KPNA1: variants seen among roughly 807,000 people sequenced by gnomAD.
The protein encoded by KPNA1 is importin subunit alpha-5.
In KPNA1, 10 loss-of-function variants were observed where a neutral mutation model predicts 70.5. The observed-to-expected ratio is 0.14, with a 90% CI of 0.09 to 0.24. The LOEUF (loss-of-function observed/expected upper bound fraction) is 0.24, where lower values mean the gene tolerates loss of function less well. Ranked by LOEUF, KPNA1 falls within the 10% of genes least tolerant of loss-of-function variation. The pLI is 1.00. For synonymous variants in KPNA1, 192 were observed against 221.9 expected, an observed-to-expected ratio of 0.87 and a Z score of 1.20; for missense variants, 397 against 637.9, an observed-to-expected ratio of 0.62 and a Z score of 4.07.
intron 5 of KPNA1, among the ~76,000 whole-genome samples, chr3:122,454,687 A>C (rs1243659937): frequency 3.3e-5 from 5 of 152,204 alleles, no homozygotes; most frequent in Non-Finnish European, 2.9e-5. Context: ...AATGAAAAGA[A>C]ATGACAACTT....
intron 4 of KPNA1, among the ~76,000 whole-genome samples, chr3:122,463,718 C>T (rs915136321): frequency 2.0e-5 from 3 of 151,946 alleles, no homozygotes; most frequent in African/African-American, 7.3e-5. Flanking sequence ...TATAAAATAA[C>T]CCAAAAATGA....
At chr3:122,453,282 T>TG (rs2076231356) in intron 6 of KPNA1, among the ~76,000 whole-genome samples, 1 of 152,176 alleles carries the variant, frequency 6.6e-6, no homozygotes, top group Non-Finnish European at 1.5e-5. Flanking sequence ...AAAAAACCTC[T>TG]ATCAGTAACT....
intron 10 of KPNA1, among the ~76,000 whole-genome samples, chr3:122,437,500 A>G (rs1341319054): frequency 2.6e-5 from 4 of 152,222 alleles, no homozygotes; most frequent in Non-Finnish European, 4.4e-5. Context: ...CACATTCACA[A>G]CTGCTAAACT....
intron 2 of KPNA1, among the ~76,000 whole-genome samples, chr3:122,477,659 C>T (rs1560043105): frequency 6.7e-6 from 1 of 150,026 alleles, no homozygotes; most frequent in Non-Finnish European, 1.5e-5. Context: ...CCAGCCTGGG[C>T]GACAGAGTAA....
At chr3:122,510,532 C>T (rs1247198650) in intron 1 of KPNA1, among the ~76,000 whole-genome samples, 2 of 152,128 alleles carry the variant, frequency 1.3e-5, no homozygotes, top group African/African-American at 2.4e-5. Flanking sequence ...TATAGAGTTA[C>T]AATATTGTAA....
At chr3:122,447,001 C>T (rs944441058) in intron 9 of KPNA1, among the ~76,000 whole-genome samples, 7 of 152,158 alleles carry the variant, frequency 4.6e-5, no homozygotes, top group Admixed American at 1.3e-4. Context: ...AGACCAATAA[C>T]AGGCTCTGAA....
intron 8 of KPNA1, among the ~76,000 whole-genome samples, chr3:122,450,411 G>A (rs7374306): frequency 0.019 from 2,920 of 152,122 alleles, 48 homozygotes; most frequent in Non-Finnish European, 0.026. Context: ...GTGAAACCCC[G>A]TCTCTACTAA....
intron 11 of KPNA1, among the ~76,000 whole-genome samples, chr3:122,436,491 C>A (rs1320150211): frequency 6.6e-6 from 1 of 152,242 alleles, no homozygotes; most frequent in Non-Finnish European, 1.5e-5. Flanking sequence ...CTCCCCCAGA[C>A]AGCCAGCTTT....
intron 2 of KPNA1, among the ~76,000 whole-genome samples, chr3:122,489,135 T>G (rs993098727): frequency 4.0e-5 from 6 of 151,812 alleles, no homozygotes; most frequent in Non-Finnish European, 7.4e-5. Context: ...TTCTTGATGG[T>G]TTCTATTCCT....
chr3:122,454,920 G>A (rs2076248103), intron 5 of KPNA1, among the ~76,000 whole-genome samples: 1 of 152,150 alleles, frequency 6.6e-6, no homozygotes, highest in African/African-American at 2.4e-5. Flanking sequence ...TGACTCTTTA[G>A]CTTAATATTG....
intron 5 of KPNA1, chr3:122,459,755 T>C (rs12487598): frequency 0.41 from 407,054 of 985,108 alleles, 85,197 homozygotes; most frequent in East Asian, 0.53. Context: ...AAAACTGATG[T>C]GACATTGAAG....
chr3:122,478,378 T>C (rs9866447), intron 2 of KPNA1, among the ~76,000 whole-genome samples: 20,970 of 151,700 alleles, frequency 0.14, 1,563 homozygotes, highest in East Asian at 0.33. Flanking sequence ...TCCCAGCACT[T>C]TGGGAGGCTG....
chr3:122,499,703 G>A (rs1576345269), intron 1 of KPNA1, among the ~76,000 whole-genome samples: 1 of 151,098 alleles, frequency 6.6e-6, no homozygotes, highest in African/African-American at 2.4e-5. Context: ...AGGCTGCAGT[G>A]AGCCATGATC....
At chr3:122,477,633 A>G (rs994098229) in intron 2 of KPNA1, among the ~76,000 whole-genome samples, 8 of 152,098 alleles carry the variant, frequency 5.3e-5, no homozygotes, top group African/African-American at 1.7e-4. Flanking sequence ...GTGACCCACA[A>G]TCACACCACT....
In KPNA1 at chr3:122,496,515, T is replaced by C. The variant is rs139661332; in HGVS notation, c.51A>G (p.Lys17=). 105 of 1,613,928 alleles carry C rather than the reference T, an allele frequency of 6.5e-5. No individual in the cohort carries two copies. Among genetic ancestry groups the C allele is most frequent in the Non-Finnish European group, 8.4e-5 (99 of 1,179,928 alleles). ...TGCGCATCTCATCGGGATTCAGAGA[T>C]TTGTTCTTGTAACTTTTCAGGCGAA... ...ENFRLKSYKN[K]SLNPDEMRRR... The change falls in exon 2 of 14, where the codon AAA becomes AAG. Residue 17 remains lysine (K), a synonymous_variant. Transcript: ENST00000344337.
At chr3:122,512,551 C>T (rs1351007647) in intron 1 of KPNA1, among the ~76,000 whole-genome samples, 2 of 152,028 alleles carry the variant, frequency 1.3e-5, no homozygotes, top group African/African-American at 4.8e-5. Context: ...GTGAAACCAC[C>T]CGTCTCTACT....
rs570612495 is a variant in KPNA1, at chr3:122,424,712, T to A, written c.*2273A>T. On this transcript the variant is annotated 3_prime_UTR_variant, in exon 14 of 14. Coordinates refer to ENST00000344337, the MANE Select transcript of KPNA1 (RefSeq NM_002264.4). ...TTGTATCTTTCCCACTCAAATTGGC[T>A]TATAAAATGAAATTATTTTAACTAT... 3.5e-4 allele frequency: 54 copies of A among 152,748 alleles called. No homozygotes were observed. The highest frequency in any genetic ancestry group is 1.3e-3 in the African/African-American group (52 of 41,568). 9.5% of individuals were successfully genotyped at this position (152,748 alleles called of 1,614,324 possible).
intron 2 of KPNA1, among the ~76,000 whole-genome samples, chr3:122,486,463 A>AT (rs1445380736): frequency 1.3e-5 from 2 of 152,254 alleles, no homozygotes; most frequent in African/African-American, 4.8e-5. Context: ...TGTACTAAAA[A>AT]GGTGCACTAG....
At chr3:122,442,740 C>T in intron 9 of KPNA1, 1 of 151,998 alleles carries the variant, frequency 6.6e-6, no homozygotes, top group East Asian at 1.9e-4. Flanking sequence ...CCTATTTTTC[C>T]CTCCACTTTA....
Sources: allele counts gnomAD v4.1 joint callset (sites outside exome capture counted in the v4.1 genomes callset), GRCh38; gene constraint gnomAD v4.1.1; transcripts MANE v1.5; gene names NCBI Gene and HGNC (gene_info 2026-07-23, HGNC 2026-07-21).